Variants in ARHGEF3 observed in about 807,000 individuals in gnomAD.
ARHGEF3 encodes Rho guanine nucleotide exchange factor 3.
Under a neutral mutation model 63.2 loss-of-function variants are expected in ARHGEF3, and 28 were observed. The ratio of observed to expected loss-of-function variants is 0.44; its 90% confidence interval spans 0.33 to 0.61. The LOEUF is 0.61. Ranked by LOEUF, ARHGEF3 falls within the 20% of genes least tolerant of loss-of-function variation. The pLI is 0.03. For synonymous variants in ARHGEF3, 266 were observed against 254.2 expected (o/e 1.05, Z -0.44); for missense variants, 533 against 659.3 (o/e 0.81, Z 2.10).
At chr3:57,025,986 G>A (rs1409218715) in intron 2 of ARHGEF3, among the ~76,000 whole-genome samples, 1 of 152,016 alleles carries the variant, frequency 6.6e-6, no homozygotes, top group Non-Finnish European at 1.5e-5. Context: ...CTCACCTAGG[G>A]AACAAAATTC....
At chr3:56,903,572 A>G (rs1461571089) in intron 3 of ARHGEF3, among the ~76,000 whole-genome samples, 1 of 152,224 alleles carries the variant, frequency 6.6e-6, no homozygotes, top group East Asian at 1.9e-4. Flanking sequence ...TCCTTCTTTA[A>G]CAGACACCAC....
chr3:56,882,381 T>A, intron 3 of ARHGEF3: 2 of 1,549,402 alleles, frequency 1.3e-6, no homozygotes, highest in Non-Finnish European at 1.7e-6. Flanking sequence ...AAAACAAAGT[T>A]CAAAGGTAAG....
intron 1 of ARHGEF3, among the ~76,000 whole-genome samples, chr3:57,063,695 A>G (rs760750516): frequency 1.3e-5 from 2 of 152,038 alleles, no homozygotes; most frequent in Non-Finnish European, 2.9e-5. Context: ...AAAGTGACCA[A>G]CTCCATCACA....
intron 2 of ARHGEF3, among the ~76,000 whole-genome samples, chr3:56,996,390 T>C (rs984302039): frequency 6.6e-6 from 1 of 152,236 alleles, no homozygotes; most frequent in African/African-American, 2.4e-5. Flanking sequence ...TGAATGTTTG[T>C]GTCTCACCAA....
intron 4 of ARHGEF3, among the ~76,000 whole-genome samples, chr3:56,849,913 C>A (rs369792262): frequency 2.0e-5 from 3 of 152,148 alleles, no homozygotes; most frequent in African/African-American, 7.2e-5. Context: ...GCTGAAAGGG[C>A]CTTTTGGAAA....
chr3:57,073,721 G>A, intron 1 of ARHGEF3: 2 of 1,614,114 alleles, frequency 1.2e-6, no homozygotes, highest in Non-Finnish European at 1.7e-6. Context: ...TGACTTGTGG[G>A]TCCACCTTAG....
intron 7 of ARHGEF3, among the ~76,000 whole-genome samples, chr3:56,737,607 T>C (rs552931851): frequency 4.6e-5 from 7 of 152,190 alleles, no homozygotes; most frequent in Non-Finnish European, 1.0e-4. Context: ...TATATAAAAC[T>C]AATATTGATG....
At chr3:56,787,551 T>C (rs1465627688) in intron 1 of ARHGEF3, among the ~76,000 whole-genome samples, 2 of 152,086 alleles carry the variant, frequency 1.3e-5, no homozygotes, top group African/African-American at 4.8e-5. Flanking sequence ...AACCCCGTTA[T>C]CCTGTTTCAT....
chr3:56,833,755 C>T (rs1232732796), intron 4 of ARHGEF3, among the ~76,000 whole-genome samples: 1 of 152,178 alleles, frequency 6.6e-6, no homozygotes, highest in Non-Finnish European at 1.5e-5. Context: ...ACAATCTCAC[C>T]ACATGTTCAC....
intron 2 of ARHGEF3, among the ~76,000 whole-genome samples, chr3:57,015,977 A>G (rs1702981620): frequency 6.6e-6 from 1 of 152,114 alleles, no homozygotes; most frequent in South Asian, 2.1e-4. Flanking sequence ...CAGAGACCAC[A>G]GAGGCAGGGG....
chr3:57,030,417 G>A (rs2107205359), intron 2 of ARHGEF3, among the ~76,000 whole-genome samples: 1 of 152,330 alleles, frequency 6.6e-6, no homozygotes, highest in Middle Eastern at 3.4e-3. Flanking sequence ...TGCAGGGAAT[G>A]CCTAATCCCT....
intron 2 of ARHGEF3, among the ~76,000 whole-genome samples, chr3:56,771,112 T>C (rs1442322869): frequency 1.3e-4 from 19 of 143,080 alleles, no homozygotes; most frequent in African/African-American, 4.6e-4. Context: ...AAACTCCATC[T>C]CAAAAAAAAA....
intron 2 of ARHGEF3, among the ~76,000 whole-genome samples, chr3:56,761,714 A>C (rs1465608676): frequency 6.6e-6 from 1 of 152,150 alleles, no homozygotes; most frequent in Non-Finnish European, 1.5e-5. Flanking sequence ...ACAGACAAGG[A>C]AACTTGAGGC....
At chr3:57,025,284 T>G (rs1449152295) in intron 2 of ARHGEF3, among the ~76,000 whole-genome samples, 3 of 152,202 alleles carry the variant, frequency 2.0e-5, no homozygotes, top group African/African-American at 7.2e-5. Flanking sequence ...GGAGACAGTA[T>G]TAGTCATAAA....
chr3:56,761,958 T>C (rs947345836), intron 2 of ARHGEF3, among the ~76,000 whole-genome samples: 2 of 152,182 alleles, frequency 1.3e-5, no homozygotes, highest in African/African-American at 4.8e-5. Flanking sequence ...CTTCTTGGCC[T>C]GTAGAAAGTT....
At chr3:56,842,742 C>A (rs2039355386) in intron 4 of ARHGEF3, among the ~76,000 whole-genome samples, 1 of 152,216 alleles carries the variant, frequency 6.6e-6, no homozygotes, top group African/African-American at 2.4e-5. Context: ...CATCACGGAA[C>A]TCTCCCTAGG....
chr3:56,796,340 T>C (rs1474264352), intron 1 of ARHGEF3, among the ~76,000 whole-genome samples: 3 of 152,196 alleles, frequency 2.0e-5, no homozygotes, highest in African/African-American at 4.8e-5. Context: ...CAGATGGTAT[T>C]TGGGCCTTCC....
intron 7 of ARHGEF3, 100 bp downstream of exon 7, chr3:56,745,105 A>G (rs2034295274): frequency 7.0e-7 from 1 of 1,433,514 alleles, no homozygotes; most frequent in Non-Finnish European, 9.4e-7. Flanking sequence ...ATTCCTGAGT[A>G]CTAAGTACCC....
chr3:57,078,958 TGCCCACCTGCGCTGCGCCCAGTGC>T (rs1475571991), intron 1 of ARHGEF3: 2 of 320,836 alleles, frequency 6.2e-6, no homozygotes, highest in East Asian at 9.3e-5. Context: ...GCGGTGGCAC[TGCCCACCTGCGCTGCGCCCAGTGC>T]GCCCCCGTGC....
Sources: gnomAD v4.1 joint callset for allele counts (sites outside exome capture counted in the v4.1 genomes callset) on GRCh38, gnomAD v4.1.1 for gene constraint, MANE v1.5 for transcripts, NCBI Gene and HGNC (gene_info 2026-07-23, HGNC 2026-07-21) for gene names.